ADAMTS20: variants seen among roughly 807,000 people sequenced by gnomAD.
The protein encoded by ADAMTS20 is A disintegrin and metalloproteinase with thrombospondin motifs 20.
In ADAMTS20, 225 loss-of-function variants were observed where a neutral mutation model predicts 260.1. That is an observed-to-expected ratio of 0.87 (90% confidence interval 0.78 to 0.97). The LOEUF (loss-of-function observed/expected upper bound fraction) is 0.97, where lower values mean the gene tolerates loss of function less well. ADAMTS20 is among the 50% of genes least tolerant of loss of function. The probability of loss-of-function intolerance (pLI) is 0.00; values close to 1 mark genes in which losing one functional copy is unlikely to be tolerated. For missense variants in ADAMTS20, 2,400 were observed against 2,337.7 expected, an observed-to-expected ratio of 1.03 and a Z score of -0.55; for synonymous variants, 802 against 769.5, an observed-to-expected ratio of 1.04 and a Z score of -0.70.
At chr12:43,423,545 A>C (rs1023680251) in intron 28 of ADAMTS20, 1 of 592,746 alleles carries the variant, frequency 1.7e-6, no homozygotes, top group Non-Finnish European at 3.0e-6. Flanking sequence ...CTGCTCTCCT[A>C]ATTGGGAAAA....
intron 28 of ADAMTS20, among the ~76,000 whole-genome samples, chr12:43,419,102 C>A (rs1184487857): frequency 2.0e-5 from 3 of 152,006 alleles, no homozygotes; most frequent in Non-Finnish European, 1.5e-5. Flanking sequence ...AGAAAAGTTA[C>A]CATTCACAAA....
intron 7 of ADAMTS20, among the ~76,000 whole-genome samples, chr12:43,487,277 A>G (rs1942537129): frequency 6.6e-6 from 1 of 152,188 alleles, no homozygotes; most frequent in Non-Finnish European, 1.5e-5. Flanking sequence ...AGCAATTTGG[A>G]TGGAACTGGA....
chr12:43,405,229 C>CCAAAAAAAAA lies in ADAMTS20; in HGVS notation c.4285-5997_4285-5996insTTTTTTTTTG, dbSNP rs1410899520. Among the ~76,000 whole-genome samples the CCAAAAAAAAA allele has an allele frequency of 5.7e-3, 299 of 52,788 alleles. 67 individuals are homozygous for CCAAAAAAAAA. The highest frequency in any genetic ancestry group is 0.015 in the East Asian group (30 of 2,022). 34.6% of individuals were successfully genotyped at this position (52,788 alleles called of 152,430 possible). The stretch of plus-strand genomic sequence containing the variant: ...GTAACAAAATGAGACCTCATCTCTA[C>CCAAAAAAAAA]AAAAAAAAAAAAAAAAAAAAAAAAA... On this transcript the variant is annotated intron_variant, in intron 28 of 38. Transcript: ENST00000389420.
chr12:43,499,115 CT>C (rs1942718775), intron 4 of ADAMTS20, among the ~76,000 whole-genome samples: 1 of 152,134 alleles, frequency 6.6e-6, no homozygotes, highest in African/African-American at 2.4e-5. Context: ...CTCAAAGTAT[CT>C]CAAAAGGGAG....
In ADAMTS20 at chr12:43,440,015, G is replaced by T; in HGVS notation, c.2345C>A (p.Thr782Lys). Reference protein sequence around the residue: ...FLFNGNFLLSTSKKEINVQGT... With the variant: ...FLFNGNFLLSKSKKEINVQGT... ...TTGCACATTGATTTCTTTTTTTGAC[G>T]TACTTAGAAGAAAATTTCCATTGAA... The change falls in exon 17 of 39, where the codon ACG becomes AAG. Residue 782 changes from threonine to lysine, a missense_variant. By Grantham distance (78) the Thr-to-Lys change is moderately conservative. Transcript: ENST00000389420. 1 of 1,571,818 alleles carries T rather than the reference G, an allele frequency of 6.4e-7. No homozygotes were observed. The highest frequency in any genetic ancestry group is 8.6e-7 in the Non-Finnish European group (1 of 1,156,894).
At chr12:43,453,735 A>T (rs558266222) in intron 12 of ADAMTS20, among the ~76,000 whole-genome samples, 172 bp downstream of exon 12, 1,844 of 151,466 alleles carry the variant, frequency 0.012, 16 homozygotes, top group Middle Eastern at 0.02. Flanking sequence ...TTTTTTTTTT[A>T]AATGTCTGAA....
chr12:43,394,991 T>C (rs558771668), intron 29 of ADAMTS20, among the ~76,000 whole-genome samples: 59 of 152,278 alleles, frequency 3.9e-4, no homozygotes, highest in African/African-American at 1.4e-3. Context: ...TTATGGAGAT[T>C]CAACCATTTA....
intron 7 of ADAMTS20, among the ~76,000 whole-genome samples, chr12:43,480,760 C>G (rs1942429022): frequency 6.6e-6 from 1 of 152,024 alleles, no homozygotes; most frequent in African/African-American, 2.4e-5. Context: ...AAGTCGAACT[C>G]TGATAAGTAG....
intron 7 of ADAMTS20, among the ~76,000 whole-genome samples, chr12:43,471,280 G>C (rs1942254384): frequency 6.6e-6 from 1 of 152,062 alleles, no homozygotes; most frequent in African/African-American, 2.4e-5. Flanking sequence ...TTTCAGACCG[G>C]CTTAAAACAC....
chr12:43,542,257 T>C lies in ADAMTS20; in HGVS notation c.453+8652A>G, dbSNP rs182283758. On this transcript the variant is annotated intron_variant, in intron 2 of 38. Transcript: ENST00000389420. The stretch of plus-strand genomic sequence containing the variant: ...TCAAAAATCATAACAATGAGAAATT[T>C]AAAATAATAAGAAATCATTAAAAAC... Among the ~76,000 whole-genome samples the C allele has an allele frequency of 1.7e-3, 263 of 152,306 alleles. 1 individual carries two copies. The highest frequency in any genetic ancestry group is 2.9e-3 in the Non-Finnish European group (199 of 68,034).
intron 3 of ADAMTS20, among the ~76,000 whole-genome samples, chr12:43,508,775 C>A (rs1436880528): frequency 6.6e-6 from 1 of 152,076 alleles, no homozygotes; most frequent in East Asian, 1.9e-4. Flanking sequence ...CAATTATACT[C>A]TTTTAGTTAT....
intron 37 of ADAMTS20, among the ~76,000 whole-genome samples, chr12:43,361,361 C>T (rs1939862999): frequency 6.6e-6 from 1 of 152,198 alleles, no homozygotes; most frequent in South Asian, 2.1e-4. Context: ...GTAACAGTAG[C>T]CTCAAGGAGA....
chr12:43,371,263 C>CA (rs1430660584), intron 36 of ADAMTS20, among the ~76,000 whole-genome samples: 1 of 152,156 alleles, frequency 6.6e-6, no homozygotes, highest in African/African-American at 2.4e-5. Flanking sequence ...TTTGTTAACT[C>CA]AAAGTTGTCT....
chr12:43,420,964 C>G (rs1328606666), intron 28 of ADAMTS20, among the ~76,000 whole-genome samples: 1 of 151,226 alleles, frequency 6.6e-6, no homozygotes, highest in Non-Finnish European at 1.5e-5. Context: ...CATGCCACCA[C>G]GCCCAGGTAA....
intron 29 of ADAMTS20, among the ~76,000 whole-genome samples, chr12:43,394,882 C>T (rs1476686469): frequency 1.3e-5 from 2 of 152,038 alleles, no homozygotes; most frequent in South Asian, 2.1e-4. Flanking sequence ...GTCTAATGAA[C>T]GTAATAAAAC....
intron 3 of ADAMTS20, among the ~76,000 whole-genome samples, chr12:43,530,508 GGTTAAGAA>G: frequency 6.6e-6 from 1 of 152,130 alleles, no homozygotes; most frequent in Non-Finnish European, 1.5e-5. Context: ...CCACTCTAAA[GGTTAAGAA>G]GTTCATTCCC....
intron 11 of ADAMTS20, among the ~76,000 whole-genome samples, chr12:43,461,608 G>A (rs1251693647): frequency 6.6e-6 from 1 of 152,000 alleles, no homozygotes; most frequent in East Asian, 1.9e-4. Context: ...TGCCAGTCCT[G>A]GATTTTAATC....
intron 2 of ADAMTS20, among the ~76,000 whole-genome samples, chr12:43,549,971 T>A (rs1416630846): frequency 6.6e-6 from 1 of 152,244 alleles, no homozygotes; most frequent in Non-Finnish European, 1.5e-5. Flanking sequence ...TGTAAAAGTA[T>A]GTATCTGCTA....
chr12:43,530,457 A>T (rs1461374752), intron 3 of ADAMTS20, among the ~76,000 whole-genome samples: 1 of 152,206 alleles, frequency 6.6e-6, no homozygotes, highest in Non-Finnish European at 1.5e-5. Flanking sequence ...GGCATCTATT[A>T]TGTCAATAGA....
Sources: gnomAD v4.1 joint callset for allele counts (sites outside exome capture counted in the v4.1 genomes callset) on GRCh38, gnomAD v4.1.1 for gene constraint, MANE v1.5 for transcripts, NCBI Gene and HGNC (gene_info 2026-07-23, HGNC 2026-07-21) for gene names.